The following CKAP5 variants were observed in gnomAD, a reference collection of about 807,000 sequenced individuals.
CKAP5 encodes cytoskeleton associated protein 5, also known as cytoskeleton-associated protein 5.
In CKAP5, 27 loss-of-function variants were observed where a neutral mutation model predicts 232.8. The ratio of observed to expected loss-of-function variants is 0.12; its 90% confidence interval spans 0.09 to 0.16. CKAP5 has a LOEUF of 0.16. CKAP5 is among the 10% of genes least tolerant of loss of function. The pLI, the probability that CKAP5 is intolerant of heterozygous loss-of-function variation, is 1.00. For missense variants in CKAP5, 1,838 were observed against 2,424.7 expected (o/e 0.76, Z 5.08); for synonymous variants, 785 against 841.1 (o/e 0.93, Z 1.16).
intron 18 of CKAP5, 41 bp downstream of exon 18, chr11:46,783,233 G>T: frequency 8.7e-7 from 1 of 1,149,564 alleles, no homozygotes; most frequent in Non-Finnish European, 1.3e-6. Context: ...GAGACTGACA[G>T]AACATTTAAC....
intron 4 of CKAP5, 103 bp from the exon 5 acceptor site, chr11:46,811,281 G>A (rs1160364299): frequency 1.1e-6 from 1 of 906,264 alleles, no homozygotes; most frequent in East Asian, 2.8e-5. Flanking sequence ...CATATTAGAA[G>A]AATTATATAA....
intron 22 of CKAP5, among the ~76,000 whole-genome samples, chr11:46,777,868 T>A (rs1046149423): frequency 5.3e-5 from 8 of 152,226 alleles, no homozygotes; most frequent in African/African-American, 1.7e-4. Context: ...GAAATCATTA[T>A]GTTTACATGT....
chr11:46,844,749 C>A (rs1385167411), intron 1 of CKAP5, among the ~76,000 whole-genome samples: 2 of 152,102 alleles, frequency 1.3e-5, no homozygotes, highest in Non-Finnish European at 1.5e-5. Flanking sequence ...TCAAATGATT[C>A]TCTTGCCTCG....
chr11:46,756,475 A>G (rs987556514), intron 35 of CKAP5, among the ~76,000 whole-genome samples: 1 of 152,240 alleles, frequency 6.6e-6, no homozygotes, highest in Non-Finnish European at 1.5e-5. Context: ...TAAGTTGTCA[A>G]TCTGATGTTC....
In CKAP5 at chr11:46,743,836, C is replaced by A; in HGVS notation, c.*187G>T. ...ATCCACGGACAGTCTTCTAGAGCAG[C>A]AGGACGCTGACAGAGAGAAGCAGAG... On this transcript the variant is annotated 3_prime_UTR_variant, in exon 44 of 44. Coordinates refer to ENST00000529230, the MANE Select transcript of CKAP5 (RefSeq NM_001008938.4). 1 of 682,948 alleles carries A rather than the reference C, an allele frequency of 1.5e-6. No individual in the cohort carries two copies. The highest frequency in any genetic ancestry group is 1.9e-5 in the South Asian group (1 of 52,368). 42.3% of individuals were successfully genotyped at this position (682,948 alleles called of 1,614,324 possible). A position where few individuals can be genotyped will look rare whatever the true frequency, so the allele number is the denominator to read the frequency against.
At chr11:46,745,360 T>G (rs975141038) in intron 42 of CKAP5, among the ~76,000 whole-genome samples, 7 of 152,152 alleles carry the variant, frequency 4.6e-5, no homozygotes, top group Non-Finnish European at 8.8e-5. Flanking sequence ...GAGAATCCTC[T>G]GAGGGGGTGA....
chr11:46,827,906 A>T (rs1169371296), intron 1 of CKAP5, among the ~76,000 whole-genome samples: 2 of 152,176 alleles, frequency 1.3e-5, no homozygotes, highest in Admixed American at 6.5e-5. Context: ...TTTGTCCTGA[A>T]TCCTAGTTTA....
At chr11:46,832,474 TTGAG>T (rs1375956039) in intron 1 of CKAP5, among the ~76,000 whole-genome samples, 1 of 152,216 alleles carries the variant, frequency 6.6e-6, no homozygotes, top group Admixed American at 6.5e-5. Flanking sequence ...TGGAGTCATG[TTGAG>T]CTCTGGAGGT....
At chr11:46,780,956 C>G (rs1387706689) in intron 18 of CKAP5, among the ~76,000 whole-genome samples, 1 of 152,194 alleles carries the variant, frequency 6.6e-6, no homozygotes, top group Non-Finnish European at 1.5e-5. Flanking sequence ...GCTTTAAATA[C>G]TATCTATAGG....
chr11:46,766,530 A>G (rs1354538081), intron 27 of CKAP5, among the ~76,000 whole-genome samples: 3 of 152,164 alleles, frequency 2.0e-5, no homozygotes, highest in African/African-American at 4.8e-5. Context: ...GTACTCCAAA[A>G]TGGGGGTGTA....
intron 27 of CKAP5, among the ~76,000 whole-genome samples, chr11:46,765,980 T>G (rs939600510): frequency 6.6e-6 from 1 of 152,250 alleles, no homozygotes; most frequent in African/African-American, 2.4e-5. Context: ...TGAAGACCTT[T>G]TGAACTTGCT....
intron 1 of CKAP5, among the ~76,000 whole-genome samples, chr11:46,841,697 A>G (rs1265631365): frequency 1.3e-5 from 2 of 152,128 alleles, no homozygotes; most frequent in Admixed American, 1.3e-4. Flanking sequence ...AATGCAAACT[A>G]GTATTAAAAA....
chr11:46,758,730 AAT>A (rs879101908), intron 35 of CKAP5, 191 bp downstream of exon 35: 7 of 517,954 alleles, frequency 1.4e-5, no homozygotes, highest in East Asian at 3.5e-5. Flanking sequence ...AAAAAAAAAA[AAT>A]AAGGCTCTAT....
intron 4 of CKAP5, 143 bp from the exon 5 acceptor site, chr11:46,811,321 A>C (rs984769330): frequency 3.1e-6 from 2 of 653,720 alleles, no homozygotes; most frequent in Non-Finnish European, 5.0e-6. Context: ...AACAAAAGAA[A>C]AGGAACTCAT....
intron 9 of CKAP5, among the ~76,000 whole-genome samples, chr11:46,799,530 T>G (rs1184421727): frequency 6.6e-6 from 1 of 152,172 alleles, no homozygotes; most frequent in Non-Finnish European, 1.5e-5. Flanking sequence ...TAAAGCCAAG[T>G]CAGTAACATG....
chr11:46,798,722 G>C (rs1256254089), intron 9 of CKAP5, among the ~76,000 whole-genome samples: 1 of 152,124 alleles, frequency 6.6e-6, no homozygotes, highest in Non-Finnish European at 1.5e-5. Context: ...ACTGTTAATG[G>C]GCAAGGGGTT....
chr11:46,824,398 C>A (rs1221036271), intron 1 of CKAP5, among the ~76,000 whole-genome samples: 2 of 152,122 alleles, frequency 1.3e-5, no homozygotes, highest in African/African-American at 4.8e-5. Context: ...GATACACATG[C>A]CCTACCACCC....
At chr11:46,765,096 C>CA (rs1311231446) in intron 28 of CKAP5, 35 bp downstream of exon 28, 11 of 1,586,866 alleles carry the variant, frequency 6.9e-6, no homozygotes, top group Non-Finnish European at 9.4e-6. Context: ...ACAATACAAG[C>CA]AAAAATCTCC....
At chr11:46,840,565 T>G (rs1940028659) in intron 1 of CKAP5, among the ~76,000 whole-genome samples, 1 of 152,208 alleles carries the variant, frequency 6.6e-6, no homozygotes. Flanking sequence ...AGAACAGTGT[T>G]CATAATATTA....
Sources: gnomAD v4.1 joint callset for allele counts (sites outside exome capture counted in the v4.1 genomes callset) on GRCh38, gnomAD v4.1.1 for gene constraint, MANE v1.5 for transcripts, NCBI Gene and HGNC (gene_info 2026-07-23, HGNC 2026-07-21) for gene names.